ELAC2: variants seen among roughly 807,000 people sequenced by gnomAD.
ELAC2 encodes the protein zinc phosphodiesterase ELAC protein 2.
Under a neutral mutation model 105.2 loss-of-function variants are expected in ELAC2, and 92 were observed. The ratio of observed to expected loss-of-function variants is 0.87; its 90% CI spans 0.74 to 1.04. ELAC2 has a LOEUF of 1.04. ELAC2 is among the 50% of genes least tolerant of loss of function. The probability of loss-of-function intolerance (pLI) is 0.00; values close to 1 mark genes in which losing one functional copy is unlikely to be tolerated. For synonymous variants in ELAC2, 468 were observed against 409.1 expected, an observed-to-expected ratio of 1.14 and a Z score of -1.74; for missense variants, 1,099 against 1,071.7, an observed-to-expected ratio of 1.03 and a Z score of -0.36.
chr17:13,002,281 A>G lies in ELAC2; in HGVS notation c.1297T>C (p.Trp433Arg). 1 of 1,613,862 alleles carries G rather than the reference A, an allele frequency of 6.2e-7. No individual in the cohort carries two copies. The highest frequency in any genetic ancestry group is 8.5e-7 in the Non-Finnish European group (1 of 1,179,996). Residue 433 changes from tryptophan to arginine, a missense_variant, in exon 14 of 24, where the codon TGG becomes CGG. Coordinates refer to ENST00000338034, the MANE Select transcript of ELAC2 (RefSeq NM_018127.7). ...GTTCAAGATGGCACAGACCTCTGCC[A>G]CTCCCTCCTGGGACGGAGCTGGTAC... Reference protein sequence around the residue: ...LKYQLRPRREWQRDAIITCNP... With the variant: ...LKYQLRPRRERQRDAIITCNP...
intron 11 of ELAC2, 100 bp downstream of exon 11, chr17:13,004,889 G>A (rs569967644): frequency 2.1e-6 from 2 of 965,994 alleles, no homozygotes; most frequent in East Asian, 4.8e-5. Flanking sequence ...AACCCAGATA[G>A]TGGTCTTCCC....
chr17:12,994,811 A>G lies in ELAC2; in HGVS notation c.1982T>C (p.Val661Ala). Residue 661 changes from valine (V) to alanine (A), a missense_variant, in exon 21 of 24, where the codon GTG (valine) becomes GCG (alanine). By Grantham distance (64) the Val-to-Ala change is moderately conservative (BLOSUM62 0). Coordinates refer to ENST00000338034, the MANE Select transcript of ELAC2 (RefSeq NM_018127.7). ...GGGCATGGTGTCCCCGGAATAGACC[A>G]CTTTCCAGCCAGAGGTGTGCACCAG... ...CALVHTSGWK[V>A]VYSGDTMPCE... 2 of 1,613,914 alleles carry G rather than the reference A, an allele frequency of 1.2e-6. No homozygotes were observed. The highest frequency in any genetic ancestry group is 1.7e-6 in the Non-Finnish European group (2 of 1,180,014).
At chr17:13,015,400 A>G (rs112884536) in intron 4 of ELAC2, among the ~76,000 whole-genome samples, 8 of 152,260 alleles carry the variant, frequency 5.3e-5, no homozygotes, top group Non-Finnish European at 7.3e-5. Flanking sequence ...AAAGGTAAGA[A>G]GATGTCAGAA....
At chr17:12,998,706 G>A (rs2040600026) in intron 15 of ELAC2, among the ~76,000 whole-genome samples, 198 bp from the exon 16 acceptor site, 1 of 152,214 alleles carries the variant, frequency 6.6e-6, no homozygotes, top group Non-Finnish European at 1.5e-5. Flanking sequence ...ACCCTCCTGA[G>A]TGGCTTGGAG....
chr17:13,008,835 A>G (rs1447471681), intron 8 of ELAC2, among the ~76,000 whole-genome samples: 1 of 152,186 alleles, frequency 6.6e-6, no homozygotes, highest in East Asian at 1.9e-4. Context: ...TAATCCAGTG[A>G]CAGCAGCCCT....
At chr17:13,009,360 T>C (rs1345311566) in intron 8 of ELAC2, among the ~76,000 whole-genome samples, 2 of 152,250 alleles carry the variant, frequency 1.3e-5, no homozygotes, top group African/African-American at 4.8e-5. Flanking sequence ...TGAAATCTTT[T>C]CACATATTTA....
rs899996392 is a variant in ELAC2 at position 13,011,649 on chromosome 17, G to C, written c.679+14C>G. ...GCAAGCCTTTCTGCTGCTCTGTTTT[G>C]TTTATACTATTACCATGTGGAAGGT... On this transcript the variant is annotated intron_variant, in intron 7 of 23. Coordinates refer to ENST00000338034, the MANE Select transcript of ELAC2 (RefSeq NM_018127.7). 2.5e-6 allele frequency: 4 copies of C among 1,614,050 alleles called. No homozygotes were observed. The highest frequency in any genetic ancestry group is 3.4e-6 in the Non-Finnish European group (4 of 1,180,032).
At chr17:13,010,042 T>A (rs2041331396) in intron 8 of ELAC2, among the ~76,000 whole-genome samples, 1 of 150,544 alleles carries the variant, frequency 6.6e-6, no homozygotes, top group African/African-American at 2.4e-5. Flanking sequence ...GGAAAAAAAT[T>A]TAAAAGGAAA....
chr17:12,996,827 A>C, intron 16 of ELAC2, 142 bp from the exon 17 acceptor site: 1 of 1,142,136 alleles, frequency 8.8e-7, no homozygotes, highest in Non-Finnish European at 1.3e-6. Flanking sequence ...GCTAATATAA[A>C]AGCCAATTAA....
chr17:13,006,562 T>C (rs78214301), intron 8 of ELAC2: 13,844 of 159,950 alleles, frequency 0.087, 832 homozygotes, highest in Middle Eastern at 0.2. Flanking sequence ...TAAAATGTAA[T>C]TCAATATGAA....
At chr17:12,995,885 G>A (rs376288494) in intron 18 of ELAC2, 55 bp downstream of exon 18, 2 of 1,584,648 alleles carry the variant, frequency 1.3e-6, no homozygotes, top group Non-Finnish European at 1.7e-6. Context: ...AAGAGGCATG[G>A]CGGATGATGT....
chr17:13,008,779 C>T (rs1023931365), intron 8 of ELAC2, among the ~76,000 whole-genome samples: 2 of 152,158 alleles, frequency 1.3e-5, no homozygotes, highest in African/African-American at 4.8e-5. Flanking sequence ...CAAAACCTCA[C>T]CTGAGAGCAG....
chr17:12,994,885 C>G lies in ELAC2; in HGVS notation c.1909-1G>C. On this transcript the variant is annotated splice_acceptor_variant, in intron 20 of 23. Transcript: ENST00000338034. LOFTEE classifies it high-confidence loss of function. ...AGTGCCGCACCAGACAGGTCTGAAA[C>G]TGAAAGGGTGGGGCTGGAGGGCTCT... 1 of 1,614,120 alleles carries G rather than the reference C, an allele frequency of 6.2e-7. No homozygotes were observed. The highest frequency in any genetic ancestry group is 8.5e-7 in the Non-Finnish European group (1 of 1,180,042).
At chr17:13,016,958 G>A in intron 2 of ELAC2, 26 bp from the exon 3 acceptor site, 2 of 1,613,552 alleles carry the variant, frequency 1.2e-6, no homozygotes, top group African/African-American at 2.7e-5. Context: ...CATTTAAACA[G>A]GATAACATGA....
chr17:12,993,949 C>G, intron 22 of ELAC2, 118 bp from the exon 23 acceptor site: 1 of 1,446,582 alleles, frequency 6.9e-7, no homozygotes. Context: ...GGTGGGTTTT[C>G]TTAACGGGCA....
At chr17:13,016,972 GAAC>G in intron 2 of ELAC2, 40 bp from the exon 3 acceptor site, 1 of 1,613,078 alleles carries the variant, frequency 6.2e-7, no homozygotes, top group Non-Finnish European at 8.5e-7. Flanking sequence ...AACATGAACA[GAAC>G]AAGGACCACT....
intron 17 of ELAC2, chr17:12,996,254 T>C (rs993494737): frequency 2.1e-5 from 13 of 628,186 alleles, no homozygotes; most frequent in Admixed American, 8.3e-5. Context: ...CCACACCTCC[T>C]GCATCCGGTC....
In ELAC2 at chr17:12,991,939, A is replaced by G. The variant is rs1838977043; in HGVS notation, c.*879T>C. Among the ~76,000 whole-genome samples the G allele has an allele frequency of 6.6e-6, 1 of 152,214 alleles. No individual in the cohort carries two copies. Among genetic ancestry groups the G allele is most frequent in the African/African-American group, 2.4e-5 (1 of 41,450 alleles). On this transcript the variant is annotated 3_prime_UTR_variant, in exon 24 of 24. Transcript: ENST00000338034. ...CTAATCCACGTCTGTAAATCCCGCA[A>G]GGAGGACAATGGAAACCAGCCCCGT...
intron 21 of ELAC2, 53 bp from the exon 22 acceptor site, chr17:12,994,556 A>G (rs954534026): frequency 1.9e-6 from 3 of 1,609,040 alleles, no homozygotes; most frequent in Non-Finnish European, 2.6e-6. Flanking sequence ...AGCGGCACAC[A>G]GGCCTCAGTC....
Sources: gnomAD v4.1 joint callset for allele counts (sites outside exome capture counted in the v4.1 genomes callset) on GRCh38, gnomAD v4.1.1 for gene constraint, MANE v1.5 for transcripts, NCBI Gene and HGNC (gene_info 2026-07-23, HGNC 2026-07-21) for gene names.